Variants in KANTR observed in about 807,000 individuals in gnomAD.
The protein encoded by KANTR is KANTR integral membrane protein.
intron 2 of KANTR, among the ~76,000 whole-genome samples, chrX:53,114,618 G>A (rs1352177792): frequency 1.8e-5 from 2 of 111,758 alleles, no homozygotes; most frequent in African/African-American, 6.5e-5. Context: ...GATCCAAACA[G>A]ATGGGCCTGT....
chrX:53,114,091 G>A (rs1400321019), intron 2 of KANTR, among the ~76,000 whole-genome samples: 1 of 110,522 alleles, frequency 9.0e-6, no homozygotes, highest in African/African-American at 3.3e-5. Flanking sequence ...TGTAGAGACG[G>A]GGTTTCGCCA....
At chrX:53,109,599 A>C (rs1442032353) in intron 2 of KANTR, among the ~76,000 whole-genome samples, 1 of 111,268 alleles carries the variant, frequency 9.0e-6, no homozygotes, top group African/African-American at 3.3e-5. Context: ...TAAGTATTTT[A>C]CTTTTTTTCT....
intron 2 of KANTR, among the ~76,000 whole-genome samples, chrX:53,113,566 C>CTTT (rs782348418): frequency 2.6e-3 from 178 of 69,585 alleles, no homozygotes; most frequent in Non-Finnish European, 3.4e-3. Flanking sequence ...CCTGATTGTT[C>CTTT]TTTTTTTTTT....
chrX:53,105,531 C>T (rs1270431704), intron 2 of KANTR, among the ~76,000 whole-genome samples: 1 of 108,798 alleles, frequency 9.2e-6, no homozygotes, highest in African/African-American at 3.4e-5. Context: ...ACTCTGTCAT[C>T]CAGGGTGGAG....
At chrX:53,101,891 C>A (rs1242562944) in intron 2 of KANTR, among the ~76,000 whole-genome samples, 1 of 109,847 alleles carries the variant, frequency 9.1e-6, no homozygotes, top group Non-Finnish European at 1.9e-5. Context: ...CCCAGCTACT[C>A]AGGGAGGCTG....
chrX:53,094,940 T>G (rs1556810600), intron 1 of KANTR: 1 of 112,853 alleles, frequency 8.9e-6, no homozygotes, highest in Non-Finnish European at 1.9e-5. Context: ...TGTCTTTCTC[T>G]GTTACTGTTT....
chrX:53,124,025 T>A, exon 3 of KANTR: 1 of 201,927 alleles, frequency 5.0e-6, no homozygotes, highest in Non-Finnish European at 8.9e-6. Context: ...TTCACCTGCC[T>A]GTAATCCACA....
At chrX:53,100,509 A>C (rs1932881385) in intron 2 of KANTR, among the ~76,000 whole-genome samples, 1 of 106,678 alleles carries the variant, frequency 9.4e-6, no homozygotes, top group Non-Finnish European at 1.9e-5. Context: ...AAAAAAAAGA[A>C]AATCTGTTGG....
intron 2 of KANTR, among the ~76,000 whole-genome samples, chrX:53,115,826 C>T (rs1933115766): frequency 1.8e-5 from 2 of 112,254 alleles, no homozygotes; most frequent in Admixed American, 1.9e-4. Flanking sequence ...CGTGCTACAC[C>T]CAGGTGCTGT....
chrX:53,109,313 G>A (rs888500291), intron 2 of KANTR, among the ~76,000 whole-genome samples: 2 of 111,563 alleles, frequency 1.8e-5, no homozygotes, highest in Admixed American at 9.5e-5. Flanking sequence ...ATGGAGTTTC[G>A]CTCTTGTTGC....
chrX:53,139,014 A>G (rs1184138200), intron 2 of KANTR, among the ~76,000 whole-genome samples: 1 of 110,015 alleles, frequency 9.1e-6, no homozygotes, highest in Non-Finnish European at 1.9e-5. Context: ...CAGGAGTTCA[A>G]GACTGGCCTG....
downstream of KANTR, among the ~76,000 whole-genome samples, chrX:53,146,787 A>G (rs189946328): frequency 5.7e-4 from 64 of 112,263 alleles, no homozygotes; most frequent in Admixed American, 4.8e-3. Flanking sequence ...CAGAAACTCT[A>G]CAAGCCAGAA....
chrX:53,143,101 C>T (rs1475694836), downstream of KANTR: 11 of 1,176,065 alleles, frequency 9.4e-6, no homozygotes, highest in African/African-American at 1.1e-4. Flanking sequence ...CTTGTGGATG[C>T]CGCAGGATTC....
At chrX:53,125,011 C>T (rs1556816076) in exon 3 of KANTR, 2 of 111,526 alleles carry the variant, frequency 1.8e-5, no homozygotes, top group African/African-American at 3.2e-5. Flanking sequence ...GAAAGAGGTG[C>T]GTTAATGTTC....
intron 2 of KANTR, among the ~76,000 whole-genome samples, chrX:53,110,592 T>C (rs1016837950): frequency 8.9e-6 from 1 of 112,038 alleles, no homozygotes; most frequent in Non-Finnish European, 1.9e-5. Context: ...TCCTCTAGTG[T>C]CATTGTCTGG....
At chrX:53,110,010 C>T (rs1254802204) in intron 2 of KANTR, among the ~76,000 whole-genome samples, 1 of 111,997 alleles carries the variant, frequency 8.9e-6, no homozygotes, top group Non-Finnish European at 1.9e-5. Context: ...CAGCCCCGGC[C>T]TCCCAAAGTG....
chrX:53,101,842 A>G (rs1434935650), intron 2 of KANTR, among the ~76,000 whole-genome samples: 1 of 111,407 alleles, frequency 9.0e-6, no homozygotes, highest in Non-Finnish European at 1.9e-5. Context: ...TACAAAAAAT[A>G]CAAAAATTAA....
At chrX:53,120,473 A>G (rs1933200856) in intron 2 of KANTR, among the ~76,000 whole-genome samples, 2 of 111,712 alleles carry the variant, frequency 1.8e-5, no homozygotes, top group African/African-American at 6.5e-5. Context: ...TAAGAGCCTG[A>G]CATAGCTCTC....
downstream of KANTR, among the ~76,000 whole-genome samples, chrX:53,131,106 G>A (rs1556816996): frequency 9.0e-6 from 1 of 111,116 alleles, no homozygotes; most frequent in African/African-American, 3.3e-5. Context: ...CTGCTGCCAG[G>A]AGTTGATTCA....
Sources: allele counts gnomAD v4.1 joint callset (sites outside exome capture counted in the v4.1 genomes callset), GRCh38; gene constraint gnomAD v4.1.1; transcripts MANE v1.5; gene names NCBI Gene and HGNC (gene_info 2026-07-23, HGNC 2026-07-21).